The following SLC35F1 variants were observed in gnomAD, a reference collection of about 807,000 sequenced individuals.
The protein encoded by SLC35F1 is chromosome 6 open reading frame 169.
SLC35F1 carries 14 observed loss-of-function variants against 48.7 expected under a neutral mutation model. That is an observed-to-expected ratio of 0.29 (90% CI 0.19 to 0.45). The LOEUF is 0.45. SLC35F1 is among the 20% of genes least tolerant of loss of function. The probability of loss-of-function intolerance (pLI) is 1.00; values close to 1 mark genes in which losing one functional copy is unlikely to be tolerated. For missense variants in SLC35F1, 404 were observed against 500.0 expected (o/e 0.81, Z 1.83); for synonymous variants, 190 against 202.2 (o/e 0.94, Z 0.51).
At chr6:118,004,685 C>G (rs763773651) in intron 1 of SLC35F1, among the ~76,000 whole-genome samples, 2 of 152,072 alleles carry the variant, frequency 1.3e-5, no homozygotes, top group Non-Finnish European at 2.9e-5. Flanking sequence ...CTTGAGCCTC[C>G]TGAGTAGCTG....
At chr6:118,119,137 A>G (rs757710046) in intron 1 of SLC35F1, among the ~76,000 whole-genome samples, 25 of 152,118 alleles carry the variant, frequency 1.6e-4, no homozygotes, top group Non-Finnish European at 1.0e-4. Flanking sequence ...CTCAGTGGTC[A>G]TTCCTTCATA....
chr6:118,294,828 A>T (rs1459534719), intron 7 of SLC35F1, among the ~76,000 whole-genome samples: 1 of 152,194 alleles, frequency 6.6e-6, no homozygotes, highest in African/African-American at 2.4e-5. Flanking sequence ...ACTAAAAAAA[A>T]AAAGAGAGAT....
chr6:118,206,805 C>T lies in SLC35F1; in HGVS notation c.350-28704C>T, dbSNP rs1393088573. Among the ~76,000 whole-genome samples, 4 of 152,160 alleles carry T rather than the reference C, an allele frequency of 2.6e-5. No homozygotes were observed. The South Asian group carries it at 6.2e-4, about 24-fold the overall frequency. On this transcript the variant is annotated intron_variant, in intron 2 of 7. Coordinates refer to ENST00000360388, the MANE Select transcript of SLC35F1 (RefSeq NM_001029858.4). ...CAAGAGACAAATTGAACTAGCTGTA[C>T]TGTGAGCTGGCAAGATCACAGCATT...
chr6:118,034,558 AAAATAAAT>A (rs541887091), intron 1 of SLC35F1, among the ~76,000 whole-genome samples: 3 of 151,970 alleles, frequency 2.0e-5, no homozygotes, highest in Admixed American at 6.6e-5. Flanking sequence ...ACTCTATCAC[AAAATAAAT>A]AAATAAATAA....
intron 1 of SLC35F1, among the ~76,000 whole-genome samples, chr6:117,983,403 C>T (rs192595711): frequency 5.3e-5 from 8 of 152,116 alleles, no homozygotes; most frequent in African/African-American, 1.4e-4. Context: ...GGTGAAATCC[C>T]GTCTCTACTA....
In SLC35F1 at chr6:118,314,343, G is replaced by C; in HGVS notation, c.*91G>C. ...TGTACATAGAGAAAGGTATTTACTA[G>C]GTGCAGTTTACACAGGTGGACTGCA... On this transcript the variant is annotated 3_prime_UTR_variant, in exon 8 of 8. Transcript: ENST00000360388. The C allele has an allele frequency of 8.4e-7, 1 of 1,188,370 alleles. No homozygotes were observed. Among genetic ancestry groups the C allele is most frequent in the Non-Finnish European group, 1.2e-6 (1 of 823,988 alleles). The allele number at this position is 1,188,370 out of a possible 1,614,324, so 73.6% of individuals were successfully genotyped here. A position where few individuals can be genotyped will look rare whatever the true frequency, so the allele number is the denominator to read the frequency against.
At chr6:118,270,677 C>T (rs1487387734) in intron 4 of SLC35F1, among the ~76,000 whole-genome samples, 2 of 152,172 alleles carry the variant, frequency 1.3e-5, no homozygotes, top group African/African-American at 2.4e-5. Flanking sequence ...GGCTCCATGT[C>T]AGCAGTATAG....
intron 1 of SLC35F1, among the ~76,000 whole-genome samples, chr6:118,088,813 G>A (rs992338882): frequency 1.2e-4 from 19 of 152,126 alleles, no homozygotes; most frequent in Non-Finnish European, 2.2e-4. Context: ...CAGAGGAAGC[G>A]GAGAAAAGGA....
intron 7 of SLC35F1, among the ~76,000 whole-genome samples, chr6:118,290,983 C>T (rs925217447): frequency 1.8e-4 from 28 of 151,938 alleles, no homozygotes; most frequent in African/African-American, 6.5e-4. Flanking sequence ...TTAGTAGAGA[C>T]GGATTTTCAC....
intron 1 of SLC35F1, among the ~76,000 whole-genome samples, chr6:118,012,623 C>T (rs1016857361): frequency 2.6e-5 from 4 of 152,172 alleles, no homozygotes; most frequent in Admixed American, 2.6e-4. Flanking sequence ...TGAGAATATG[C>T]TTCACTTTAT....
chr6:118,188,667 A>T (rs569195655), intron 2 of SLC35F1, among the ~76,000 whole-genome samples: 40 of 152,350 alleles, frequency 2.6e-4, no homozygotes, highest in South Asian at 6.2e-4. Context: ...AGATCTTTTA[A>T]GGCTGAATAA....
intron 1 of SLC35F1, among the ~76,000 whole-genome samples, chr6:118,110,738 T>C (rs1391608529): frequency 2.6e-5 from 4 of 152,302 alleles, no homozygotes; most frequent in South Asian, 4.1e-4. Flanking sequence ...CAGTTCTTTC[T>C]TAGCTTTAAT....
chr6:118,226,626 G>T (rs1363379021), intron 2 of SLC35F1, among the ~76,000 whole-genome samples: 1 of 152,130 alleles, frequency 6.6e-6, no homozygotes, highest in Non-Finnish European at 1.5e-5. Context: ...AATATTGCAT[G>T]TTCTCACTCA....
chr6:118,290,957 G>T (rs909237417), intron 7 of SLC35F1, among the ~76,000 whole-genome samples: 1 of 151,928 alleles, frequency 6.6e-6, no homozygotes, highest in Non-Finnish European at 1.5e-5. Context: ...ACCATGCCCG[G>T]CTAATTTTTG....
chr6:118,042,028 T>A (rs1772229507), intron 1 of SLC35F1, among the ~76,000 whole-genome samples: 1 of 152,190 alleles, frequency 6.6e-6, no homozygotes, highest in African/African-American at 2.4e-5. Context: ...TCTGCCTCAT[T>A]TCTTCCTGTT....
chr6:118,061,558 A>G (rs1476052670), intron 1 of SLC35F1, among the ~76,000 whole-genome samples: 1 of 144,280 alleles, frequency 6.9e-6, no homozygotes, highest in African/African-American at 2.6e-5. Context: ...TTTTATGTGT[A>G]TATATATATA....
intron 2 of SLC35F1, among the ~76,000 whole-genome samples, chr6:118,182,875 T>C (rs1374082996): frequency 1.3e-5 from 2 of 152,186 alleles, no homozygotes; most frequent in Admixed American, 1.3e-4. Flanking sequence ...AAGACTATAA[T>C]GTAAAATAAC....
intron 1 of SLC35F1, among the ~76,000 whole-genome samples, chr6:118,111,322 A>G (rs151010309): frequency 6.6e-6 from 1 of 152,210 alleles, no homozygotes; most frequent in Non-Finnish European, 1.5e-5. Flanking sequence ...CCAAAGACAA[A>G]GAAAATCTTG....
At chr6:118,108,720 G>A (rs1467648419) in intron 1 of SLC35F1, among the ~76,000 whole-genome samples, 1 of 152,078 alleles carries the variant, frequency 6.6e-6, no homozygotes, top group Admixed American at 6.6e-5. Context: ...GCTCAGTTAT[G>A]CTGTGCTCTC....
Sources: gnomAD v4.1 joint callset for allele counts (sites outside exome capture counted in the v4.1 genomes callset) on GRCh38, gnomAD v4.1.1 for gene constraint, MANE v1.5 for transcripts, NCBI Gene and HGNC (gene_info 2026-07-23, HGNC 2026-07-21) for gene names.